Variants in DNAAF5 observed in about 807,000 individuals in gnomAD.
DNAAF5 encodes the protein dynein axonemal assembly factor 5.
Under a neutral mutation model 75.8 loss-of-function variants are expected in DNAAF5, and 64 were observed. That is an observed-to-expected ratio of 0.84 (90% CI 0.69 to 1.04). DNAAF5 has a LOEUF of 1.04. Among genes scored for constraint, DNAAF5 ranks in the 50% least tolerant of loss-of-function variants. The pLI, the probability that DNAAF5 is intolerant of heterozygous loss-of-function variation, is 0.00. For missense variants in DNAAF5, 1,269 were observed against 1,178.5 expected (o/e 1.08, Z -1.12); for synonymous variants, 657 against 557.2 (o/e 1.18, Z -2.52).
At chr7:768,017 T>TGCTC (rs1246221787) in intron 8 of DNAAF5, among the ~76,000 whole-genome samples, 11 of 150,400 alleles carry the variant, frequency 7.3e-5, no homozygotes, top group African/African-American at 2.5e-4. Context: ...GAAGTGTCCT[T>TGCTC]GCAGCGAGCA....
chr7:756,793 C>T lies in DNAAF5; in HGVS notation c.1269C>T (p.Ser423=), dbSNP rs73036225. ...EAAVVQSCTR[S]AELVGTFVSP... ...TTTCTTTCTCGCAGTGTACCAGATC[C>T]GCAGAGCTCGTCGGGACGTTTGTCA... Residue 423 remains serine (S), a synonymous_variant, in exon 6 of 13, where the codon TCC becomes TCT. Coordinates refer to ENST00000297440, the MANE Select transcript of DNAAF5 (RefSeq NM_017802.4). 314,156 of 1,613,080 alleles carry T rather than the reference C, an allele frequency of 0.19. 33,581 individuals are homozygous for T. Among genetic ancestry groups the T allele is most frequent in the Middle Eastern group, 0.24 (1,433 of 6,056 alleles).
intron 4 of DNAAF5, among the ~76,000 whole-genome samples, chr7:749,824 G>A (rs1026745318): frequency 6.6e-6 from 1 of 152,062 alleles, no homozygotes; most frequent in Admixed American, 6.6e-5. Context: ...TCAGCCTCCC[G>A]AGTAGCTGTG....
intron 12 of DNAAF5, among the ~76,000 whole-genome samples, chr7:784,554 C>G (rs1779089128): frequency 6.6e-6 from 1 of 152,196 alleles, no homozygotes; most frequent in Admixed American, 6.5e-5. Flanking sequence ...TTCTGGCCCC[C>G]ACCCCTGCAG....
intron 3 of DNAAF5, 145 bp downstream of exon 3, chr7:741,088 G>A (rs112199396): frequency 8.0e-6 from 8 of 996,520 alleles, no homozygotes; most frequent in South Asian, 4.8e-5. Flanking sequence ...TACAGAAGTC[G>A]TCTCGTTTTG....
intron 6 of DNAAF5, among the ~76,000 whole-genome samples, chr7:759,793 G>A (rs1212889669): frequency 1.3e-5 from 2 of 152,154 alleles, no homozygotes; most frequent in African/African-American, 2.4e-5. Flanking sequence ...GTTTGTTCCT[G>A]TGCTTGGAGG....
At position 727,904 on chromosome 7, in the gene DNAAF5, T is replaced by TTGGGG. The variant is rs373402051; in HGVS notation, c.595+597_595+601dup. Among the ~76,000 whole-genome samples the TTGGGG allele has an allele frequency of 1.6e-3, 237 of 151,276 alleles. 1 individual carries two copies. Among genetic ancestry groups the TTGGGG allele is most frequent in the African/African-American group, 5.4e-3 (223 of 41,234 alleles). ...ACCGCAGAAATTCCTGTTAGGCGGT[T>TTGGGG]TGGGGTGGGGTGTGCCCTGATAGCT... On this transcript the variant is annotated intron_variant, in intron 1 of 12. Coordinates refer to ENST00000297440, the MANE Select transcript of DNAAF5 (RefSeq NM_017802.4).
chr7:726,931 G>T lies in DNAAF5; in HGVS notation c.211G>T (p.Gly71Cys). ...GPAADPTAFQGPWARLLLPRL... is the reference protein window; with the variant it reads ...GPAADPTAFQCPWARLLLPRL... ...TGCCGCCGACCCCACCGCTTTCCAG[G>T]GCCCCTGGGCGCGCCTACTGCTGCC... The change falls in exon 1 of 13, where the codon GGC becomes TGC. Residue 71 changes from glycine (G) to cysteine (C), a missense_variant. Physicochemically the swap from Gly to Cys is radical, Grantham distance 159. Transcript: ENST00000297440. 7.5e-7 allele frequency: 1 copy of T among 1,341,778 alleles called. No homozygotes were observed. Among genetic ancestry groups the T allele is most frequent in the South Asian group, 1.7e-5 (1 of 59,416 alleles). The allele number at this position is 1,341,778 out of a possible 1,614,324, so 83.1% of individuals were successfully genotyped here. A position where few individuals can be genotyped will look rare whatever the true frequency, so the allele number is the denominator to read the frequency against.
chr7:739,106 A>AGCATC (rs1562377104), intron 2 of DNAAF5, among the ~76,000 whole-genome samples: 11 of 98,570 alleles, frequency 1.1e-4, no homozygotes, highest in Admixed American at 3.3e-4. Flanking sequence ...CCTCTGCCCC[A>AGCATC]TCACTGTATA....
chr7:773,959 C>A, intron 9 of DNAAF5, 89 bp from the exon 10 acceptor site: 1 of 1,478,968 alleles, frequency 6.8e-7, no homozygotes, highest in Non-Finnish European at 9.4e-7. Flanking sequence ...TGTTTGGCTC[C>A]CCCCTCAGCC....
rs1392072205 is a variant in DNAAF5, at chr7:785,961, C to T, written c.*308C>T. The T allele has an allele frequency of 1.3e-5, 4 of 298,468 alleles. No individual in the cohort carries two copies. Among genetic ancestry groups the T allele is most frequent in the Middle Eastern group, 1.0e-3 (1 of 976 alleles). 18.5% of individuals were successfully genotyped at this position (298,468 alleles called of 1,614,324 possible). Reference sequence around the variant, plus strand: ...CATCTTAGATTTTAAGCCTCACGTGCGCAGCTGGTTCATGAACTATTGGCT... The same window carrying T: ...CATCTTAGATTTTAAGCCTCACGTGTGCAGCTGGTTCATGAACTATTGGCT... On this transcript the variant is annotated 3_prime_UTR_variant, in exon 13 of 13. Coordinates refer to ENST00000297440, the MANE Select transcript of DNAAF5 (RefSeq NM_017802.4).
At chr7:748,992 C>T (rs1583490439) in intron 4 of DNAAF5, among the ~76,000 whole-genome samples, 1 of 152,354 alleles carries the variant, frequency 6.6e-6, no homozygotes, top group East Asian at 1.9e-4. Flanking sequence ...TTCCTGTTTC[C>T]TAAGAAAATA....
chr7:780,795 A>G (rs188279951), intron 12 of DNAAF5, among the ~76,000 whole-genome samples: 1 of 147,130 alleles, frequency 6.8e-6, no homozygotes, highest in Non-Finnish European at 1.5e-5. Flanking sequence ...TCCATCTCAC[A>G]CTTGGAATGT....
At chr7:747,124 T>C (rs925654163) in intron 4 of DNAAF5, among the ~76,000 whole-genome samples, 5 of 152,232 alleles carry the variant, frequency 3.3e-5, no homozygotes, top group African/African-American at 1.2e-4. Context: ...GAGTGTTTTA[T>C]TGGATAAACA....
rs190926298 is a variant in DNAAF5 at position 784,557 on chromosome 7, C to A, written c.2432-960C>A. Among the ~76,000 whole-genome samples, 195 of 152,302 alleles carry A rather than the reference C, an allele frequency of 1.3e-3. 3 individuals carry two copies. The highest frequency in any genetic ancestry group is 2.2e-3 in the Non-Finnish European group (153 of 68,032). ...ACGCCCAACCCTTTCTGGCCCCCACCCCTGCAGCTCCCACTGCCCCCATCA... is the reference window on the plus strand; with the variant it reads ...ACGCCCAACCCTTTCTGGCCCCCACACCTGCAGCTCCCACTGCCCCCATCA... On this transcript the variant is annotated intron_variant, in intron 12 of 12. Coordinates refer to ENST00000297440, the MANE Select transcript of DNAAF5 (RefSeq NM_017802.4).
Position 740,809 on chromosome 7 carries a change from T to G in DNAAF5, c.781-10T>G. On this transcript the variant is annotated splice_polypyrimidine_tract_variant and intron_variant, in intron 2 of 12. Transcript: ENST00000297440. ...CTACACGAATCCTTATCCCTTCCTC[T>G]CATGCGCAGGTCCGGCGGGCGGTGG... The G allele has an allele frequency of 6.2e-7, 1 of 1,613,410 alleles. No individual in the cohort carries two copies. Among genetic ancestry groups the G allele is most frequent in the Non-Finnish European group, 8.5e-7 (1 of 1,180,012 alleles).
intron 8 of DNAAF5, among the ~76,000 whole-genome samples, chr7:767,108 G>A (rs765185764): frequency 2.0e-5 from 3 of 151,916 alleles, no homozygotes; most frequent in South Asian, 2.1e-4. Flanking sequence ...GTGCGGTGGC[G>A]GGCGCTTGTG....
intron 9 of DNAAF5, chr7:771,319 CCCG>C (rs1778557813): frequency 1.3e-5 from 2 of 152,334 alleles, no homozygotes; most frequent in African/African-American, 4.8e-5. Flanking sequence ...AGAGGCCCCG[CCCG>C]GGTGCCACTG....
intron 11 of DNAAF5, among the ~76,000 whole-genome samples, chr7:775,612 ATATG>A (rs1355944704): frequency 1.3e-5 from 2 of 152,214 alleles, no homozygotes; most frequent in African/African-American, 4.8e-5. Flanking sequence ...GCATATATAA[ATATG>A]TATGTATTGG....
chr7:767,279 A>G (rs1482011239), intron 8 of DNAAF5, among the ~76,000 whole-genome samples: 2 of 75,652 alleles, frequency 2.6e-5, no homozygotes, highest in Admixed American at 1.5e-4. Flanking sequence ...CCATTTCTTC[A>G]TTTATCCAAT....
Sources: gnomAD v4.1 joint callset for allele counts (sites outside exome capture counted in the v4.1 genomes callset) on GRCh38, gnomAD v4.1.1 for gene constraint, MANE v1.5 for transcripts, NCBI Gene and HGNC (gene_info 2026-07-23, HGNC 2026-07-21) for gene names.